The following MEMO1 variants were observed in gnomAD, a reference collection of about 807,000 sequenced individuals.
MEMO1 encodes protein MEMO1.
In MEMO1, 6 loss-of-function variants were observed where a neutral mutation model predicts 45.2. The observed-to-expected ratio is 0.13, with a 90% confidence interval of 0.07 to 0.26. The LOEUF is 0.26. Among genes scored for constraint, MEMO1 ranks in the 10% least tolerant of loss-of-function variants. MEMO1 has a pLI of 1.00. For synonymous variants in MEMO1, 78 were observed against 124.3 expected, an observed-to-expected ratio of 0.63 and a Z score of 2.48; for missense variants, 184 against 370.5, an observed-to-expected ratio of 0.50 and a Z score of 4.13.
intron 7 of MEMO1, among the ~76,000 whole-genome samples, chr2:31,891,630 A>G (rs1161609036): frequency 6.6e-6 from 1 of 152,106 alleles, no homozygotes; most frequent in Non-Finnish European, 1.5e-5. Flanking sequence ...GCTCTTCTAT[A>G]CTCTAAAGAA....
chr2:31,933,768 C>T (rs570413994), intron 3 of MEMO1, among the ~76,000 whole-genome samples: 4 of 152,174 alleles, frequency 2.6e-5, no homozygotes, highest in African/African-American at 9.6e-5. Flanking sequence ...TAGCCCTATA[C>T]CTCTGGTAAA....
intron 4 of MEMO1, among the ~76,000 whole-genome samples, chr2:31,925,707 G>C (rs539579237): frequency 2.6e-5 from 4 of 152,224 alleles, no homozygotes; most frequent in African/African-American, 9.6e-5. Context: ...ATGGTGCAAA[G>C]GTGAGGGGAG....
In MEMO1 at chr2:31,948,844, T is replaced by C. The variant is rs142957600; in HGVS notation, c.62-5461A>G. Among the ~76,000 whole-genome samples, 214 of 152,216 alleles carry C rather than the reference T, an allele frequency of 1.4e-3. 2 individuals carry two copies. The highest frequency in any genetic ancestry group is 2.7e-3 in the Non-Finnish European group (185 of 68,006). ...ATCTAAATCCTTTAAACTGAATAAATTAACCACATTTCATCAACTTCAAAA... is the reference window on the plus strand; with the variant it reads ...ATCTAAATCCTTTAAACTGAATAAACTAACCACATTTCATCAACTTCAAAA... On this transcript the variant is annotated intron_variant, in intron 2 of 9. Transcript: ENST00000404530.
intron 2 of MEMO1, among the ~76,000 whole-genome samples, chr2:31,960,154 G>C (rs965586740): frequency 6.6e-6 from 1 of 150,716 alleles, no homozygotes; most frequent in Admixed American, 6.6e-5. Context: ...TCGATATCAC[G>C]CCACTGCACT....
At chr2:31,894,802 ATTCT>A (rs1453132558) in intron 6 of MEMO1, among the ~76,000 whole-genome samples, 2 of 152,158 alleles carry the variant, frequency 1.3e-5, no homozygotes, top group African/African-American at 4.8e-5. Flanking sequence ...TACTTAGTTG[ATTCT>A]TTCTTTTAAT....
intron 2 of MEMO1, among the ~76,000 whole-genome samples, chr2:31,951,153 G>A (rs1666799665): frequency 6.6e-6 from 1 of 151,982 alleles, no homozygotes; most frequent in African/African-American, 2.4e-5. Flanking sequence ...TATTTAACTA[G>A]TATGTTGACT....
chr2:31,945,173 T>G (rs920775754), intron 2 of MEMO1, among the ~76,000 whole-genome samples: 1 of 152,232 alleles, frequency 6.6e-6, no homozygotes, highest in Admixed American at 6.5e-5. Context: ...TAATTCAACA[T>G]TGTTTTGAAA....
intron 6 of MEMO1, among the ~76,000 whole-genome samples, chr2:31,902,750 GTT>G (rs1297761103): frequency 6.6e-6 from 1 of 151,620 alleles, no homozygotes; most frequent in African/African-American, 2.4e-5. Flanking sequence ...TTGTTTGTTT[GTT>G]TTGTTTTTTT....
chr2:31,954,581 C>G (rs941541319), intron 2 of MEMO1, among the ~76,000 whole-genome samples: 3 of 152,044 alleles, frequency 2.0e-5, no homozygotes, highest in South Asian at 4.1e-4. Flanking sequence ...TCATGTAATC[C>G]CAGCACTTTG....
At chr2:31,903,326 A>T (rs577769775) in intron 6 of MEMO1, among the ~76,000 whole-genome samples, 354 of 140,228 alleles carry the variant, frequency 2.5e-3, no homozygotes, top group Middle Eastern at 0.021. Context: ...CAGGATCCTT[A>T]CCCCTAAGGT....
chr2:31,969,572 GGGGTGTGTGTGT>G (rs1358016424), intron 2 of MEMO1, among the ~76,000 whole-genome samples: 14 of 108,582 alleles, frequency 1.3e-4, no homozygotes, highest in South Asian at 8.2e-4. Flanking sequence ...ATCTTTTCTG[GGGGTGTGTGTGT>G]GGGTGTGTGT....
intron 6 of MEMO1, among the ~76,000 whole-genome samples, chr2:31,908,203 C>T (rs780412794): frequency 5.9e-5 from 9 of 152,106 alleles, no homozygotes; most frequent in Non-Finnish European, 1.2e-4. Context: ...ACATTCTTGA[C>T]CCTTGACCCT....
intron 2 of MEMO1, among the ~76,000 whole-genome samples, chr2:32,004,902 G>A (rs1673856778): frequency 6.6e-6 from 1 of 151,166 alleles, no homozygotes; most frequent in Non-Finnish European, 1.5e-5. Flanking sequence ...ACTCCAGCCT[G>A]GGCAACACAG....
intron 2 of MEMO1, among the ~76,000 whole-genome samples, chr2:31,986,514 T>C (rs1165484983): frequency 1.3e-5 from 2 of 152,192 alleles, no homozygotes; most frequent in Admixed American, 6.6e-5. Flanking sequence ...CCTTCACTCA[T>C]TATTTATTGT....
At chr2:31,972,188 T>G (rs993759896) in intron 2 of MEMO1, among the ~76,000 whole-genome samples, 2 of 152,216 alleles carry the variant, frequency 1.3e-5, no homozygotes, top group Admixed American at 1.3e-4. Flanking sequence ...GGTGGTCTGA[T>G]GAACCTTTCT....
chr2:31,991,095 C>A (rs1478161591), intron 2 of MEMO1, among the ~76,000 whole-genome samples: 1 of 152,102 alleles, frequency 6.6e-6, no homozygotes, highest in Non-Finnish European at 1.5e-5. Flanking sequence ...ACTATACAAG[C>A]TAGCTCTTGC....
chr2:32,008,869 C>T (rs886135080), intron 2 of MEMO1, among the ~76,000 whole-genome samples: 19 of 152,258 alleles, frequency 1.2e-4, no homozygotes, highest in South Asian at 6.2e-4. Flanking sequence ...ATTTAATGAG[C>T]TAGTTTAGCA....
At chr2:31,996,220 AAGAG>A (rs912945210) in intron 2 of MEMO1, among the ~76,000 whole-genome samples, 4 of 148,126 alleles carry the variant, frequency 2.7e-5, no homozygotes, top group Non-Finnish European at 6.0e-5. Context: ...GAGAGAGAGA[AAGAG>A]AGAGAGAGAG....
chr2:31,997,093 T>C (rs1352379476), intron 2 of MEMO1, among the ~76,000 whole-genome samples: 1 of 151,920 alleles, frequency 6.6e-6, no homozygotes, highest in Non-Finnish European at 1.5e-5. Flanking sequence ...GAGACTACTG[T>C]CTCCCAGAAC....
Sources: allele counts gnomAD v4.1 joint callset (sites outside exome capture counted in the v4.1 genomes callset), GRCh38; gene constraint gnomAD v4.1.1; transcripts MANE v1.5; gene names NCBI Gene and HGNC (gene_info 2026-07-23, HGNC 2026-07-21).